The following PHF3 variants were observed in gnomAD, a reference collection of about 807,000 sequenced individuals.
The protein encoded by PHF3 is PHD finger protein 3.
In PHF3, 41 loss-of-function variants were observed where a neutral mutation model predicts 178.4. The ratio of observed to expected loss-of-function variants is 0.23; its 90% confidence interval spans 0.18 to 0.30. The LOEUF (loss-of-function observed/expected upper bound fraction) is 0.30. Among genes scored for constraint, PHF3 ranks in the 10% least tolerant of loss-of-function variants. The pLI is 1.00. For missense variants in PHF3, 2,346 were observed against 2,398.1 expected, an observed-to-expected ratio of 0.98 and a Z score of 0.45; for synonymous variants, 842 against 800.5, an observed-to-expected ratio of 1.05 and a Z score of -0.88.
chr6:63,656,339 A>G (rs1233073443), intron 2 of PHF3, among the ~76,000 whole-genome samples: 1 of 152,178 alleles, frequency 6.6e-6, no homozygotes, highest in Non-Finnish European at 1.5e-5. Context: ...TCATTACTGT[A>G]TCTCTGATAG....
At position 63,659,217 on chromosome 6, in the gene PHF3, A is replaced by G. The variant is rs370319067; in HGVS notation, c.244+12422A>G. On this transcript the variant is annotated intron_variant, in intron 2 of 15. Coordinates refer to ENST00000262043, the MANE Select transcript of PHF3 (RefSeq NM_001370348.2). ...GATTTAGCCATTCCACAATGTATAC[A>G]TATATCAAAATATGTTGTACACCAT... 3.9e-5 allele frequency among the ~76,000 whole-genome samples: 6 copies of G among 152,314 alleles called. No homozygotes were observed. The East Asian group carries it at 9.6e-4, about 24-fold the overall frequency.
intron 6 of PHF3, among the ~76,000 whole-genome samples, chr6:63,696,784 C>G (rs1343355394): frequency 1.3e-5 from 2 of 151,780 alleles, no homozygotes; most frequent in Non-Finnish European, 2.9e-5. Context: ...AAGATTAACA[C>G]AAGATTGTTA....
chr6:63,689,444 A>C (rs905642831), intron 4 of PHF3, among the ~76,000 whole-genome samples: 1 of 152,132 alleles, frequency 6.6e-6, no homozygotes, highest in Non-Finnish European at 1.5e-5. Flanking sequence ...CTGAGAAGAA[A>C]TTTTCTTCTA....
rs772949145 is a variant in PHF3, at chr6:63,712,764, G to A, written c.5176G>A (p.Glu1726Lys). The A allele has an allele frequency of 2.3e-5, 37 of 1,613,734 alleles. No homozygotes were observed. Among genetic ancestry groups the A allele is most frequent in the Non-Finnish European group, 3.1e-5 (36 of 1,179,938 alleles). ...AGTTGCACAAAACTCACCATCAGTA[G>A]AAAACATACAGACTTCTCAAGCAGA... ...LKVAQNSPSV[E>K]NIQTSQAEQA... is the part of the protein sequence containing the mutation. Residue 1726 changes from glutamate to lysine, a missense_variant, in exon 16 of 16, where the codon GAA becomes AAA. Coordinates refer to ENST00000262043, the MANE Select transcript of PHF3 (RefSeq NM_001370348.2).
chr6:63,650,852 G>A (rs1323559067), intron 2 of PHF3, among the ~76,000 whole-genome samples: 2 of 152,064 alleles, frequency 1.3e-5, no homozygotes, highest in Admixed American at 6.6e-5. Flanking sequence ...TGAACTAAAC[G>A]TAGTGGCTCT....
chr6:63,684,547 A>C lies in PHF3; in HGVS notation c.825A>C (p.Glu275Asp), dbSNP rs758614379. 3.3e-5 allele frequency: 54 copies of C among 1,613,676 alleles called. No individual in the cohort carries two copies. Among genetic ancestry groups the C allele is most frequent in the Non-Finnish European group, 4.1e-5 (48 of 1,179,888 alleles). Residue 275 changes from glutamate (E) to aspartate (D), a missense_variant, in exon 4 of 16, where the codon GAA (glutamate) becomes GAC (aspartate). Glu to Asp is a conservative substitution (Grantham distance 45). Coordinates refer to ENST00000262043, the MANE Select transcript of PHF3 (RefSeq NM_001370348.2). ...AAAAGAAAAATGAAGCTTTGATGGAATGTAAAGCCAAGCCTGTTGGTAGTC... is the reference window on the plus strand; with the variant it reads ...AAAAGAAAAATGAAGCTTTGATGGACTGTAAAGCCAAGCCTGTTGGTAGTC... ...IGEKKNEALM[E>D]CKAKPVGSPL... is the part of the protein sequence containing the mutation.
intron 11 of PHF3, among the ~76,000 whole-genome samples, chr6:63,704,144 C>G (rs763974141): frequency 6.6e-6 from 1 of 152,152 alleles, no homozygotes; most frequent in East Asian, 1.9e-4. Context: ...AGAGATTTCT[C>G]ACATACCTGC....
intron 1 of PHF3, among the ~76,000 whole-genome samples, chr6:63,639,857 T>A (rs1429492753): frequency 6.6e-6 from 1 of 152,236 alleles, no homozygotes; most frequent in Non-Finnish European, 1.5e-5. Context: ...CTAGGTCCAC[T>A]ACTTTGGTGG....
chr6:63,678,235 AAAAAAAC>A (rs1182905620), intron 2 of PHF3, among the ~76,000 whole-genome samples: 1 of 151,968 alleles, frequency 6.6e-6, no homozygotes. Flanking sequence ...AAAAAAAGAA[AAAAAAAC>A]AAAAAACAAC....
rs1212199082 is a variant in PHF3 at position 63,722,946 on chromosome 6, T to G, written c.*9238T>G. Among the ~76,000 whole-genome samples the G allele has an allele frequency of 6.6e-6, 1 of 152,236 alleles. No homozygotes were observed. The highest frequency in any genetic ancestry group is 2.4e-5 in the African/African-American group (1 of 41,456). On this transcript the variant is annotated 3_prime_UTR_variant, in exon 16 of 16. Transcript: ENST00000262043. ...TGTCGTTACATATGTGATATTTGGT[T>G]AACAGCTGCTTTATCCACTAGGTTG... is the stretch of plus-strand genomic sequence containing the variant.
At chr6:63,674,143 C>G (rs990870969) in intron 2 of PHF3, among the ~76,000 whole-genome samples, 8 of 151,518 alleles carry the variant, frequency 5.3e-5, no homozygotes, top group African/African-American at 1.9e-4. Context: ...AGTATTCAAG[C>G]TTTTTTAGTA....
rs1376460142 is a variant in PHF3, at chr6:63,641,521, GGTGTGTATGTGT to G, written c.-25-4999_-25-4988del. Among the ~76,000 whole-genome samples the G allele has an allele frequency of 2.4e-3, 309 of 128,400 alleles. 3 individuals are homozygous for G. Among genetic ancestry groups the G allele is most frequent in the African/African-American group, 9.4e-3 (293 of 31,204 alleles). The allele number at this position is 128,400 out of a possible 152,430, so 84.2% of individuals were successfully genotyped here. On this transcript the variant is annotated intron_variant, in intron 1 of 15. Transcript: ENST00000262043. ...TGATAGCTTTAGTGATTTATTGTTA[GGTGTGTATGTGT>G]GTGTGTGTGTGTGTGTGTGTGTGTG... is the stretch of plus-strand genomic sequence containing the variant.
intron 4 of PHF3, among the ~76,000 whole-genome samples, chr6:63,686,880 A>C (rs73441013): frequency 6.6e-6 from 1 of 152,344 alleles, no homozygotes; most frequent in African/African-American, 2.4e-5. Context: ...AGTGTGTTGT[A>C]ACATATTATT....
Position 63,636,052 on chromosome 6 carries a change from C to T in PHF3, c.-124C>T. On this transcript the variant is annotated 5_prime_UTR_variant, in exon 1 of 16. Coordinates refer to ENST00000262043, the MANE Select transcript of PHF3 (RefSeq NM_001370348.2). Reference sequence around the variant, plus strand: ...CGACGTCCTGCGCGTACCCCCTCTCCGCGGCACCCACCGGGCCCCCTCCTC... The same window carrying T: ...CGACGTCCTGCGCGTACCCCCTCTCTGCGGCACCCACCGGGCCCCCTCCTC... 2 of 394,436 alleles carry T rather than the reference C, an allele frequency of 5.1e-6. No homozygotes were observed. Among genetic ancestry groups the T allele is most frequent in the Non-Finnish European group, 8.9e-6 (2 of 223,598 alleles). The allele number at this position is 394,436 out of a possible 1,614,324, so 24.4% of individuals were successfully genotyped here.
chr6:63,709,058 A>G (rs1356362933), intron 13 of PHF3, 93 bp from the exon 14 acceptor site: 4 of 627,120 alleles, frequency 6.4e-6, no homozygotes, highest in African/African-American at 1.9e-5. Context: ...TACTGTTTCA[A>G]ATTAGTCTTA....
intron 1 of PHF3, among the ~76,000 whole-genome samples, chr6:63,639,235 A>G (rs1391890847): frequency 6.6e-6 from 1 of 152,200 alleles, no homozygotes; most frequent in Non-Finnish European, 1.5e-5. Flanking sequence ...CTGTTGGCAT[A>G]ATCTAACTTT....
chr6:63,681,359 A>T (rs1042823350), intron 3 of PHF3, among the ~76,000 whole-genome samples: 1 of 152,038 alleles, frequency 6.6e-6, no homozygotes, highest in African/African-American at 2.4e-5. Context: ...TTATTGTTCA[A>T]TTCCGGGAAA....
chr6:63,675,078 C>T (rs983229290), intron 2 of PHF3, among the ~76,000 whole-genome samples: 1 of 152,052 alleles, frequency 6.6e-6, no homozygotes, highest in Non-Finnish European at 1.5e-5. Context: ...AGGAGGACTT[C>T]ACTTAAGCAA....
intron 2 of PHF3, among the ~76,000 whole-genome samples, chr6:63,659,573 A>G (rs751437828): frequency 2.0e-5 from 3 of 152,236 alleles, no homozygotes; most frequent in Non-Finnish European, 2.9e-5. Context: ...AATCTTCACG[A>G]AAACCTTAAG....
Sources: allele counts gnomAD v4.1 joint callset (sites outside exome capture counted in the v4.1 genomes callset), GRCh38; gene constraint gnomAD v4.1.1; transcripts MANE v1.5; gene names NCBI Gene and HGNC (gene_info 2026-07-23, HGNC 2026-07-21).